TMEM178B: variants seen among roughly 807,000 people sequenced by gnomAD.
TMEM178B encodes the protein transmembrane protein 178B.
Under a neutral mutation model 31.0 loss-of-function variants are expected in TMEM178B, and 5 were observed. The observed-to-expected ratio is 0.16, with a 90% CI of 0.08 to 0.34. The LOEUF is 0.34. TMEM178B is among the 10% of genes least tolerant of loss of function. The pLI is 1.00. For missense variants in TMEM178B, 275 were observed against 400.3 expected (o/e 0.69, Z 2.67); for synonymous variants, 164 against 164.0 (o/e 1.00, Z 0.00).
chr7:141,241,875 A>G (rs957037837), intron 2 of TMEM178B, among the ~76,000 whole-genome samples: 12 of 152,210 alleles, frequency 7.9e-5, no homozygotes, highest in Admixed American at 4.6e-4. Flanking sequence ...TCTTGTTTCA[A>G]TGAATAATCA....
intron 1 of TMEM178B, among the ~76,000 whole-genome samples, chr7:141,076,360 G>A (rs1006743945): frequency 6.6e-6 from 1 of 152,256 alleles, no homozygotes; most frequent in African/African-American, 2.4e-5. Context: ...TAGCTGAAAT[G>A]TGAGGGAGAA....
chr7:141,205,328 C>T (rs7807575), intron 1 of TMEM178B, among the ~76,000 whole-genome samples: 99,985 of 151,576 alleles, frequency 0.66, 33,398 homozygotes, highest in Middle Eastern at 0.7. Flanking sequence ...TGGGCCATCA[C>T]GTTCCAATCC....
At chr7:141,089,339 G>A (rs1364562595) in intron 1 of TMEM178B, among the ~76,000 whole-genome samples, 4 of 152,160 alleles carry the variant, frequency 2.6e-5, no homozygotes, top group Non-Finnish European at 5.9e-5. Flanking sequence ...TGGGGAGGAG[G>A]CTTCCAGACA....
chr7:141,173,863 T>A (rs543458252), intron 1 of TMEM178B, among the ~76,000 whole-genome samples: 1 of 152,322 alleles, frequency 6.6e-6, no homozygotes, highest in East Asian at 1.9e-4. Flanking sequence ...GGGGCCAGCA[T>A]TGTGTTTTGT....
intron 2 of TMEM178B, among the ~76,000 whole-genome samples, chr7:141,257,374 A>G (rs1324159984): frequency 1.3e-5 from 2 of 152,172 alleles, no homozygotes; most frequent in Non-Finnish European, 2.9e-5. Flanking sequence ...CTTGCTGTTG[A>G]GAGTTATATT....
chr7:141,236,095 T>C (rs1797522903), intron 2 of TMEM178B, among the ~76,000 whole-genome samples: 1 of 152,144 alleles, frequency 6.6e-6, no homozygotes. Context: ...AGCTTCCAAA[T>C]GTTCTCTGAG....
chr7:141,232,957 T>G (rs1797470749), intron 2 of TMEM178B, among the ~76,000 whole-genome samples: 1 of 152,174 alleles, frequency 6.6e-6, no homozygotes, highest in Non-Finnish European at 1.5e-5. Context: ...TGAGCTGCCC[T>G]CCCTAAAAGC....
chr7:141,304,460 C>G (rs1323905861), intron 2 of TMEM178B, among the ~76,000 whole-genome samples: 1 of 152,170 alleles, frequency 6.6e-6, no homozygotes, highest in Non-Finnish European at 1.5e-5. Context: ...TGCAGACCTT[C>G]CCCAGGCAAG....
intron 1 of TMEM178B, among the ~76,000 whole-genome samples, chr7:141,162,201 G>A (rs1350122640): frequency 3.9e-5 from 6 of 152,338 alleles, no homozygotes; most frequent in Admixed American, 6.5e-5. Flanking sequence ...AGGCTGACGC[G>A]TGACGCCTTG....
chr7:141,112,552 C>A (rs2129175294), intron 1 of TMEM178B, among the ~76,000 whole-genome samples: 1 of 152,366 alleles, frequency 6.6e-6, no homozygotes, highest in African/African-American at 2.4e-5. Context: ...CCACGCCTAA[C>A]CGAAGTCTTT....
chr7:141,245,387 G>A (rs995159723), intron 2 of TMEM178B, among the ~76,000 whole-genome samples: 1 of 151,940 alleles, frequency 6.6e-6, no homozygotes, highest in Admixed American at 6.6e-5. Flanking sequence ...AAGGACATTT[G>A]TGGATGGAGG....
chr7:141,192,490 CTT>C (rs10582858), intron 1 of TMEM178B, among the ~76,000 whole-genome samples: 102,001 of 141,948 alleles, frequency 0.72, 36,793 homozygotes, highest in African/African-American at 0.81. Context: ...ATGCAGCGGT[CTT>C]TTTTTTTTTT....
intron 2 of TMEM178B, among the ~76,000 whole-genome samples, chr7:141,248,050 A>C (rs564822560): frequency 6.7e-6 from 1 of 149,192 alleles, no homozygotes; most frequent in Non-Finnish European, 1.5e-5. Flanking sequence ...TTTTTTTTTC[A>C]GTCCATCTCT....
At chr7:141,269,723 G>A (rs190750420) in intron 2 of TMEM178B, among the ~76,000 whole-genome samples, 4 of 152,232 alleles carry the variant, frequency 2.6e-5, no homozygotes, top group African/African-American at 9.6e-5. Flanking sequence ...ATGACTTTAT[G>A]TCTTTTGAAT....
At chr7:141,402,183 G>T (rs1355565596) in intron 2 of TMEM178B, among the ~76,000 whole-genome samples, 1 of 152,204 alleles carries the variant, frequency 6.6e-6, no homozygotes, top group Admixed American at 6.5e-5. Flanking sequence ...TACAAAGGAG[G>T]AGCCGCACAG....
intron 1 of TMEM178B, among the ~76,000 whole-genome samples, chr7:141,182,293 A>T (rs901269466): frequency 1.3e-5 from 2 of 151,674 alleles, no homozygotes; most frequent in South Asian, 4.2e-4. Context: ...AACTCTTTAG[A>T]CTCTTCCTAC....
chr7:141,340,958 G>T (rs369668517), intron 2 of TMEM178B, among the ~76,000 whole-genome samples: 1 of 151,972 alleles, frequency 6.6e-6, no homozygotes, highest in Admixed American at 6.6e-5. Flanking sequence ...GAAACTCACC[G>T]CTCCCTTCCC....
intron 2 of TMEM178B, among the ~76,000 whole-genome samples, chr7:141,279,979 T>A (rs1349477542): frequency 2.0e-5 from 3 of 152,232 alleles, no homozygotes; most frequent in Non-Finnish European, 4.4e-5. Flanking sequence ...GCTTGGTGAA[T>A]CCAGTTGCAA....
chr7:141,134,394 CA>C (rs1795641695), intron 1 of TMEM178B, among the ~76,000 whole-genome samples: 1 of 152,056 alleles, frequency 6.6e-6, no homozygotes, highest in South Asian at 2.1e-4. Context: ...CCCAGACAAG[CA>C]AAAACTGAGG....
Sources: allele counts gnomAD v4.1 joint callset (sites outside exome capture counted in the v4.1 genomes callset), GRCh38; gene constraint gnomAD v4.1.1; transcripts MANE v1.5; gene names NCBI Gene and HGNC (gene_info 2026-07-23, HGNC 2026-07-21).